Variants in COG6 observed in about 807,000 individuals in gnomAD.
COG6 encodes the protein component of oligomeric golgi complex 6.
COG6 carries 74 observed loss-of-function variants against 88.8 expected under a neutral mutation model. That is an observed-to-expected ratio of 0.83 (90% CI 0.69 to 1.01). The LOEUF is 1.01. Ranked by LOEUF, COG6 falls within the 50% of genes least tolerant of loss-of-function variation. The pLI, the probability that COG6 is intolerant of heterozygous loss-of-function variation, is 0.00. For synonymous variants in COG6, 286 were observed against 278.7 expected (o/e 1.03, Z -0.26); for missense variants, 800 against 797.9 (o/e 1.00, Z -0.03).
At chr13:39,761,563 C>A (rs1394279048) in intron 18 of COG6, among the ~76,000 whole-genome samples, 1 of 151,750 alleles carries the variant, frequency 6.6e-6, no homozygotes, top group Non-Finnish European at 1.5e-5. Context: ...AGATTCAGCA[C>A]AGTAAAAGAA....
At chr13:39,711,263 A>G (rs572660937) in intron 13 of COG6, among the ~76,000 whole-genome samples, 3 of 152,298 alleles carry the variant, frequency 2.0e-5, no homozygotes, top group East Asian at 3.9e-4. Flanking sequence ...GTTGTAAGAT[A>G]CTGGGGCCAT....
At chr13:39,750,629 T>G (rs1374981117) in intron 18 of COG6, among the ~76,000 whole-genome samples, 1 of 152,212 alleles carries the variant, frequency 6.6e-6, no homozygotes, top group Non-Finnish European at 1.5e-5. Flanking sequence ...TGGGTCACAG[T>G]TTTTGTTTCT....
At chr13:39,782,795 T>G (rs1566048311) in intron 18 of COG6, among the ~76,000 whole-genome samples, 1 of 152,200 alleles carries the variant, frequency 6.6e-6, no homozygotes, top group African/African-American at 2.4e-5. Flanking sequence ...ACAGCATGTC[T>G]GGAGTCTGTG....
At chr13:39,728,352 A>G (rs1196911503) in intron 18 of COG6, among the ~76,000 whole-genome samples, 12 of 152,218 alleles carry the variant, frequency 7.9e-5, no homozygotes, top group Admixed American at 7.9e-4. Context: ...TAGAGGTGAT[A>G]TACTTATTTT....
chr13:39,772,192 TC>T (rs1244950292), intron 18 of COG6, among the ~76,000 whole-genome samples: 1 of 152,210 alleles, frequency 6.6e-6, no homozygotes, highest in Non-Finnish European at 1.5e-5. Context: ...TCCTGAAATG[TC>T]TTCCCTTGCT....
At chr13:39,694,989 A>ACACACC (rs1491495852) in intron 12 of COG6, among the ~76,000 whole-genome samples, 1 of 142,754 alleles carries the variant, frequency 7.0e-6, no homozygotes, top group Non-Finnish European at 1.6e-5. Flanking sequence ...ACACACACAC[A>ACACACC]CCCCTTATAT....
At chr13:39,691,747 A>G (rs1876989365) in intron 11 of COG6, among the ~76,000 whole-genome samples, 1 of 151,886 alleles carries the variant, frequency 6.6e-6, no homozygotes, top group Non-Finnish European at 1.5e-5. Context: ...TTGAGGAAAA[A>G]AATTTCGACT....
Position 39,659,460 on chromosome 13 carries a change from T to G in COG6, c.250T>G (p.Leu84Val). ...ACGTGGAGATATTGAACGTAAAAGTTTAGCCATCAATGAAGAATTTGTAAG... is the reference window on the plus strand; with the variant it reads ...ACGTGGAGATATTGAACGTAAAAGTGTAGCCATCAATGAAGAATTTGTAAG... ...NLRGDIERKS[L>V]AINEEFVSIF... Residue 84 changes from leucine (L) to valine (V), a missense_variant, in exon 2 of 19, where the codon TTA becomes GTA. By Grantham distance (32) the Leu-to-Val change is conservative. Coordinates refer to ENST00000455146, the MANE Select transcript of COG6 (RefSeq NM_020751.3). 1.2e-6 allele frequency: 2 copies of G among 1,613,654 alleles called. No individual in the cohort carries two copies. The highest frequency in any genetic ancestry group is 1.7e-6 in the Non-Finnish European group (2 of 1,179,748).
chr13:39,777,357 C>T (rs1011059731), intron 18 of COG6, among the ~76,000 whole-genome samples: 1 of 151,874 alleles, frequency 6.6e-6, no homozygotes, highest in Non-Finnish European at 1.5e-5. Flanking sequence ...GTGAGTTGAC[C>T]CATAACCTGA....
intron 18 of COG6, among the ~76,000 whole-genome samples, chr13:39,765,968 A>C (rs1881151163): frequency 6.6e-6 from 1 of 152,210 alleles, no homozygotes; most frequent in South Asian, 2.1e-4. Context: ...GGGTTCTGTT[A>C]CAGGATTTAG....
chr13:39,692,226 T>C (rs1284292663), intron 11 of COG6, among the ~76,000 whole-genome samples: 1 of 152,000 alleles, frequency 6.6e-6, no homozygotes, highest in East Asian at 1.9e-4. Context: ...CCTATTACTT[T>C]GTACATGTCT....
chr13:39,685,201 G>A (rs1475742710), intron 8 of COG6, among the ~76,000 whole-genome samples: 2 of 151,934 alleles, frequency 1.3e-5, no homozygotes, highest in Admixed American at 6.5e-5. Context: ...TTTAACTTGA[G>A]GTATTTGAGA....
rs1192154260 is a variant in COG6, at chr13:39,719,797, TGACA to T, written c.1558_1561del (p.Arg520ValfsTer17). 1 of 1,612,370 alleles carries T rather than the reference TGACA, an allele frequency of 6.2e-7. No individual in the cohort carries two copies. Among genetic ancestry groups the T allele is most frequent in the Non-Finnish European group, 8.5e-7 (1 of 1,178,926 alleles). The stretch of plus-strand genomic sequence containing the variant: ...CAACATTAGCTCTATTTGAATTCAC[TGACA>T]GACGTCTGGAAATGCTACAGTTTCA... On this transcript the variant is annotated frameshift_variant, in exon 15 of 19. Transcript: ENST00000455146. LOFTEE classifies it high-confidence loss of function.
At chr13:39,676,385 A>G (rs182063763) in intron 4 of COG6, among the ~76,000 whole-genome samples, 2 of 152,292 alleles carry the variant, frequency 1.3e-5, no homozygotes, top group Admixed American at 1.3e-4. Flanking sequence ...CAAAAATAAG[A>G]TAAATATTAA....
At chr13:39,721,141 T>C (rs1878828044) in intron 15 of COG6, among the ~76,000 whole-genome samples, 1 of 152,122 alleles carries the variant, frequency 6.6e-6, no homozygotes, top group Non-Finnish European at 1.5e-5. Context: ...ATCCCTGCCA[T>C]TTATCTAAAT....
intron 4 of COG6, among the ~76,000 whole-genome samples, chr13:39,668,671 C>T (rs996024795): frequency 1.8e-4 from 27 of 151,794 alleles, no homozygotes; most frequent in African/African-American, 5.6e-4. Context: ...ACCTGTAGTC[C>T]CAGCTACTCA....
intron 18 of COG6, among the ~76,000 whole-genome samples, chr13:39,770,942 G>C (rs2138176661): frequency 6.6e-6 from 1 of 152,222 alleles, no homozygotes; most frequent in East Asian, 1.9e-4. Flanking sequence ...GTTTCTACAA[G>C]ACCTCACTTG....
chr13:39,670,070 G>T (rs902924889), intron 4 of COG6, among the ~76,000 whole-genome samples: 1 of 152,112 alleles, frequency 6.6e-6, no homozygotes. Context: ...TCAGACAAAT[G>T]TATGAATGAT....
intron 18 of COG6, among the ~76,000 whole-genome samples, chr13:39,763,768 G>A (rs575117761): frequency 7.1e-4 from 107 of 151,682 alleles, no homozygotes; most frequent in African/African-American, 2.4e-3. Context: ...TAAACCCAGT[G>A]GTCATAATGT....
Sources: allele counts gnomAD v4.1 joint callset (sites outside exome capture counted in the v4.1 genomes callset), GRCh38; gene constraint gnomAD v4.1.1; transcripts MANE v1.5; gene names NCBI Gene and HGNC (gene_info 2026-07-23, HGNC 2026-07-21).